The following NRXN1 variants were observed in gnomAD, a reference collection of about 807,000 sequenced individuals.
The protein encoded by NRXN1 is neurexin 1.
A neutral mutation model predicts 150.9 loss-of-function variants in NRXN1; 39 were observed. That is an observed-to-expected ratio of 0.26 (90% confidence interval 0.20 to 0.34). The LOEUF (loss-of-function observed/expected upper bound fraction) is 0.34, where lower values mean the gene tolerates loss of function less well. Among genes scored for constraint, NRXN1 ranks in the 10% least tolerant of loss-of-function variants. The pLI is 1.00. For missense variants in NRXN1, 1,815 were observed against 1,949.9 expected, an observed-to-expected ratio of 0.93 and a Z score of 1.30; for synonymous variants, 924 against 757.0, an observed-to-expected ratio of 1.22 and a Z score of -3.62.
At chr2:50,228,295 G>GAAAATT (rs1479036493) in intron 18 of NRXN1, among the ~76,000 whole-genome samples, 1 of 151,898 alleles carries the variant, frequency 6.6e-6, no homozygotes, top group African/African-American at 2.4e-5. Flanking sequence ...ATGAGTAGTA[G>GAAAATT]AAAATTAAAA....
At chr2:50,099,165 T>G (rs756217653) in intron 18 of NRXN1, among the ~76,000 whole-genome samples, 1 of 152,052 alleles carries the variant, frequency 6.6e-6, no homozygotes, top group Non-Finnish European at 1.5e-5. Flanking sequence ...AATAAAATTT[T>G]CTAAGCCTGT....
rs181759833 is a variant in NRXN1 at position 49,971,565 on chromosome 2, T to C, written c.4129-27774A>G. ...TGATTGTGCAAAGTCAATGAAAATA[T>C]TTATCCTTTATTACTGGGTAATTTT... On this transcript the variant is annotated intron_variant, in intron 21 of 22. Coordinates refer to ENST00000401669, the MANE Select transcript of NRXN1 (RefSeq NM_001330078.2). Among the ~76,000 whole-genome samples the C allele has an allele frequency of 5.3e-5, 8 of 152,248 alleles. No individual in the cohort carries two copies. In the East Asian group the frequency reaches 1.5e-3, roughly 29 times the overall value.
intron 19 of NRXN1, among the ~76,000 whole-genome samples, chr2:50,069,860 T>G (rs1354882728): frequency 6.7e-6 from 1 of 150,056 alleles, no homozygotes; most frequent in Admixed American, 6.6e-5. Flanking sequence ...TTTTTTTTTT[T>G]TTTTTTTTGA....
In NRXN1 at chr2:50,155,429, G is replaced by GA. The variant is rs58114667; in HGVS notation, c.3547-63936dup. ...AAATCTGCTACCCAAGAACAATTAA[G>GA]AAAAAAAAAAAGAAGAAAGGAGGGA... On this transcript the variant is annotated intron_variant, in intron 18 of 22. Transcript: ENST00000401669. Among the ~76,000 whole-genome samples, 122 of 138,472 alleles carry GA rather than the reference G, an allele frequency of 8.8e-4. 4 individuals are homozygous for GA. In the South Asian group the frequency reaches 0.012, roughly 14 times the overall value. 90.8% of individuals were successfully genotyped at this position (138,472 alleles called of 152,430 possible).
chr2:50,002,295 G>C (rs149054611), intron 21 of NRXN1, among the ~76,000 whole-genome samples: 9 of 152,154 alleles, frequency 5.9e-5, no homozygotes, highest in Non-Finnish European at 1.2e-4. Flanking sequence ...GAAAAGAAAG[G>C]GAGGAAACGA....
At chr2:49,925,428 T>C (rs1377583057) in intron 22 of NRXN1, among the ~76,000 whole-genome samples, 1 of 152,178 alleles carries the variant, frequency 6.6e-6, no homozygotes, top group African/African-American at 2.4e-5. Flanking sequence ...TTTATTTTGA[T>C]GATCACTGAG....
chr2:50,578,391 C>T (rs1671754758), intron 8 of NRXN1, among the ~76,000 whole-genome samples: 1 of 152,096 alleles, frequency 6.6e-6, no homozygotes, highest in South Asian at 2.1e-4. Context: ...GTACAGCAAG[C>T]CCATAACTTT....
chr2:50,467,775 T>C (rs568149182), intron 16 of NRXN1, among the ~76,000 whole-genome samples: 43 of 151,592 alleles, frequency 2.8e-4, no homozygotes, highest in Non-Finnish European at 5.9e-4. Context: ...AGAGTAACAG[T>C]TGTTTTTTTC....
intron 19 of NRXN1, among the ~76,000 whole-genome samples, chr2:50,080,109 T>C (rs1239819559): frequency 6.6e-6 from 1 of 152,026 alleles, no homozygotes; most frequent in Non-Finnish European, 1.5e-5. Context: ...GTATCCACGT[T>C]ATATAGTCGG....
chr2:50,485,354 G>C (rs2090790597), intron 15 of NRXN1, among the ~76,000 whole-genome samples: 5 of 152,166 alleles, frequency 3.3e-5, no homozygotes, highest in Admixed American at 3.3e-4. Flanking sequence ...AAATGGGAAG[G>C]AAAGGTGTCT....
intron 17 of NRXN1, among the ~76,000 whole-genome samples, chr2:50,334,192 A>ATTTTATACATATAT (rs1553457970): frequency 2.5e-5 from 3 of 118,996 alleles, no homozygotes; most frequent in African/African-American, 1.3e-4. Context: ...ACCAGGACCA[A>ATTTTATACATATAT]ATATATATAT....
At chr2:50,663,903 A>C (rs1328025056) in intron 5 of NRXN1, among the ~76,000 whole-genome samples, 1 of 152,038 alleles carries the variant, frequency 6.6e-6, no homozygotes, top group East Asian at 1.9e-4. Flanking sequence ...AAATACCTAG[A>C]ACCTATTTCC....
intron 2 of NRXN1, among the ~76,000 whole-genome samples, chr2:50,953,061 G>A (rs183693557): frequency 6.6e-6 from 1 of 152,290 alleles, no homozygotes; most frequent in East Asian, 1.9e-4. Context: ...GAAAGGGCAG[G>A]TGAATGGGAG....
chr2:50,293,224 G>A (rs1007652117), intron 17 of NRXN1, among the ~76,000 whole-genome samples: 1 of 151,998 alleles, frequency 6.6e-6, no homozygotes, highest in Non-Finnish European at 1.5e-5. Flanking sequence ...ACATCTGACT[G>A]CTCGCTCTGG....
At chr2:50,925,585 A>T (rs1327330208) in intron 3 of NRXN1, among the ~76,000 whole-genome samples, 1 of 151,910 alleles carries the variant, frequency 6.6e-6, no homozygotes, top group Non-Finnish European at 1.5e-5. Context: ...AAAAAATGGA[A>T]AAAGGATCAT....
intron 17 of NRXN1, among the ~76,000 whole-genome samples, chr2:50,430,938 G>C (rs1263338462): frequency 6.6e-6 from 1 of 152,070 alleles, no homozygotes; most frequent in East Asian, 1.9e-4. Flanking sequence ...ATACACTAAT[G>C]CCTCATCCAC....
chr2:50,519,559 G>T (rs983677934), intron 12 of NRXN1, among the ~76,000 whole-genome samples: 4 of 151,922 alleles, frequency 2.6e-5, no homozygotes, highest in African/African-American at 9.7e-5. Flanking sequence ...GTGTGTGAAG[G>T]TTCCTTGGAA....
At chr2:50,120,924 C>T (rs1703764030) in intron 18 of NRXN1, among the ~76,000 whole-genome samples, 1 of 152,162 alleles carries the variant, frequency 6.6e-6, no homozygotes, top group Non-Finnish European at 1.5e-5. Flanking sequence ...GCTTTAATTG[C>T]TGATACTTGA....
At chr2:50,731,880 G>C (rs1315319327) in intron 5 of NRXN1, among the ~76,000 whole-genome samples, 1 of 152,096 alleles carries the variant, frequency 6.6e-6, no homozygotes, top group African/African-American at 2.4e-5. Flanking sequence ...TTTTCGTTTG[G>C]CTGTTGGGAT....
Sources: allele counts gnomAD v4.1 joint callset (sites outside exome capture counted in the v4.1 genomes callset), GRCh38; gene constraint gnomAD v4.1.1; transcripts MANE v1.5; gene names NCBI Gene and HGNC (gene_info 2026-07-23, HGNC 2026-07-21).